The following CFAP57 variants were observed in gnomAD, a reference collection of about 807,000 sequenced individuals.
CFAP57 encodes the protein cilia and flagella associated protein 57.
In CFAP57, 116 loss-of-function variants were observed where a neutral mutation model predicts 146.8. The observed-to-expected ratio is 0.79, with a 90% CI of 0.68 to 0.92. The LOEUF (loss-of-function observed/expected upper bound fraction) is 0.92. Among genes scored for constraint, CFAP57 ranks in the 40% least tolerant of loss-of-function variants. The pLI is 0.00. For synonymous variants in CFAP57, 518 were observed against 552.8 expected, an observed-to-expected ratio of 0.94 and a Z score of 0.88; for missense variants, 1,377 against 1,527.2, an observed-to-expected ratio of 0.90 and a Z score of 1.64.
rs1643149806 is a variant in CFAP57, at chr1:43,186,744, C to G, written c.1007C>G (p.Ser336Cys). ...CCGCAGAGCAATGATCCAAGTCAGT[C>G]TGACAAACAGGACGTTCTCTGCCTG... Reference protein sequence around the residue: ...VDPQSNDPSQSDKQDVLCLCF... With the variant: ...VDPQSNDPSQCDKQDVLCLCF... Residue 336 changes from serine (S) to cysteine (C), a missense_variant, in exon 6 of 23, where the codon TCT becomes TGT. Physicochemically the swap from Ser to Cys is moderately radical, Grantham distance 112. Transcript: ENST00000372492. 2 of 1,613,958 alleles carry G rather than the reference C, an allele frequency of 1.2e-6. No individual in the cohort carries two copies. The highest frequency in any genetic ancestry group is 2.2e-5 in the South Asian group (2 of 91,078).
intron 22 of CFAP57, among the ~76,000 whole-genome samples, chr1:43,252,620 C>A (rs1016203984): frequency 6.6e-6 from 1 of 151,712 alleles, no homozygotes; most frequent in Admixed American, 6.6e-5. Context: ...TGAAAATCAA[C>A]AACAACAAAA....
At chr1:43,244,490 T>C (rs1472250386) in intron 22 of CFAP57, among the ~76,000 whole-genome samples, 1 of 152,252 alleles carries the variant, frequency 6.6e-6, no homozygotes, top group Admixed American at 6.5e-5. Flanking sequence ...TATAATTTTG[T>C]TGTCTTGTGC....
At chr1:43,226,933 T>G (rs1645265765) in intron 17 of CFAP57, 50 bp from the exon 18 acceptor site, 7 of 1,444,522 alleles carry the variant, frequency 4.8e-6, no homozygotes, top group Non-Finnish European at 6.4e-6. Flanking sequence ...AGGGCTGCAG[T>G]ATACCAGGGC....
At chr1:43,234,451 C>T (rs769393820) in intron 20 of CFAP57, 38 bp downstream of exon 20, 30 of 1,542,450 alleles carry the variant, frequency 1.9e-5, no homozygotes, top group Admixed American at 2.0e-5. Flanking sequence ...CACTGACCTC[C>T]GGGGTCTCCT....
intron 22 of CFAP57, among the ~76,000 whole-genome samples, chr1:43,249,855 T>C (rs1646274103): frequency 6.6e-6 from 1 of 152,064 alleles, no homozygotes; most frequent in African/African-American, 2.4e-5. Flanking sequence ...CCTAACAACA[T>C]TAAATTAGTC....
chr1:43,218,899 A>G (rs1052951254), intron 12 of CFAP57, among the ~76,000 whole-genome samples: 1 of 152,260 alleles, frequency 6.6e-6, no homozygotes, highest in Non-Finnish European at 1.5e-5. Context: ...TACTTGGGAT[A>G]TATCAGCAAA....
At chr1:43,203,368 A>G (rs1054867630) in intron 9 of CFAP57, among the ~76,000 whole-genome samples, 2 of 152,168 alleles carry the variant, frequency 1.3e-5, no homozygotes, top group African/African-American at 2.4e-5. Context: ...GTTATGTTCT[A>G]TGAGGCCAAA....
At chr1:43,248,607 A>G (rs1011777158) in intron 22 of CFAP57, among the ~76,000 whole-genome samples, 1 of 151,984 alleles carries the variant, frequency 6.6e-6, no homozygotes, top group Non-Finnish European at 1.5e-5. Flanking sequence ...GACATGAGCC[A>G]CAGTACCCGG....
rs759903609 is a variant in CFAP57, at chr1:43,185,231, A to G, written c.844A>G (p.Met282Val). 128 of 1,614,070 alleles carry G rather than the reference A, an allele frequency of 7.9e-5. No homozygotes were observed. Among genetic ancestry groups the G allele is most frequent in the Non-Finnish European group, 1.0e-4 (123 of 1,180,048 alleles). ...GGCCAGTAGCCATAGCCAGATGTCC[A>G]TGCCCCAGGTGTTTGCCATTGCAGC... ...VAASSHSQMS[M>V]PQVFAIAAYS... The change falls in exon 5 of 23, where the codon ATG becomes GTG. Residue 282 changes from methionine (M) to valine (V), a missense_variant. Met to Val is a conservative substitution (Grantham distance 21). Coordinates refer to ENST00000372492, the MANE Select transcript of CFAP57 (RefSeq NM_001378189.1).
At chr1:43,236,590 TAAAAA>T (rs764205138) in intron 21 of CFAP57, among the ~76,000 whole-genome samples, 2 of 41,800 alleles carry the variant, frequency 4.8e-5, no homozygotes, top group African/African-American at 2.4e-4. Context: ...GAATAAGTGC[TAAAAA>T]AAAAAAAAAA....
chr1:43,221,265 T>G, intron 13 of CFAP57, 107 bp from the exon 14 acceptor site: 11 of 713,536 alleles, frequency 1.5e-5, no homozygotes, highest in Non-Finnish European at 2.4e-5. Context: ...AATGAGGGCT[T>G]GAGAAATGTT....
rs201647687 is a variant in CFAP57 at position 43,197,708 on chromosome 1, C to T, written c.1262+16C>T. 17 of 1,614,030 alleles carry T rather than the reference C, an allele frequency of 1.1e-5. No homozygotes were observed. The East Asian group carries it at 3.8e-4, about 36-fold the overall frequency. On this transcript the variant is annotated intron_variant, in intron 7 of 22. Coordinates refer to ENST00000372492, the MANE Select transcript of CFAP57 (RefSeq NM_001378189.1). ...ATGAAACAAAGTAAGGAATGAAAGG[C>T]TTGCCTACTTTATTATGCAAGACCC...
intron 18 of CFAP57, among the ~76,000 whole-genome samples, chr1:43,228,013 C>A (rs985651656): frequency 6.6e-6 from 1 of 152,166 alleles, no homozygotes; most frequent in African/African-American, 2.4e-5. Flanking sequence ...GCTGCTATCA[C>A]CCTGGTACAA....
intron 14 of CFAP57, among the ~76,000 whole-genome samples, chr1:43,221,859 A>G (rs1238499252): frequency 6.6e-6 from 1 of 152,108 alleles, no homozygotes; most frequent in African/African-American, 2.4e-5. Context: ...TGAGTCCCCA[A>G]ATACCACTCT....
Position 43,198,506 on chromosome 1 carries a change from C to G in CFAP57, c.1288C>G (p.Gln430Glu). 1 of 1,614,058 alleles carries G rather than the reference C, an allele frequency of 6.2e-7. No individual in the cohort carries two copies. The highest frequency in any genetic ancestry group is 8.5e-7 in the Non-Finnish European group (1 of 1,180,026). Residue 430 changes from glutamine to glutamate, a missense_variant, in exon 8 of 23, where the codon CAA becomes GAA. Gln to Glu is a conservative substitution (Grantham distance 29). Coordinates refer to ENST00000372492, the MANE Select transcript of CFAP57 (RefSeq NM_001378189.1). Reference protein sequence around the residue: ...TNTLELFKEYQEEAYSISLHP... With the variant: ...TNTLELFKEYEEEAYSISLHP... ...CACCCTGGAACTATTTAAGGAATAC[C>G]AAGAAGAGGCATATTCCATCAGCCT...
At chr1:43,222,390 T>G in intron 15 of CFAP57, 95 bp downstream of exon 15, 1 of 1,143,378 alleles carries the variant, frequency 8.7e-7, no homozygotes, top group Non-Finnish European at 1.2e-6. Flanking sequence ...TGCCAGGATG[T>G]GTTATACACT....
chr1:43,244,203 T>G (rs868701492), intron 22 of CFAP57, among the ~76,000 whole-genome samples: 17 of 152,304 alleles, frequency 1.1e-4, no homozygotes, highest in African/African-American at 3.8e-4. Context: ...TATGGCAAAT[T>G]AAGCCAACAT....
At chr1:43,188,995 C>T (rs933464557) in intron 6 of CFAP57, among the ~76,000 whole-genome samples, 7 of 152,208 alleles carry the variant, frequency 4.6e-5, no homozygotes, top group Non-Finnish European at 1.0e-4. Flanking sequence ...GTCACAGCAT[C>T]ATTTGTTGAA....
chr1:43,224,287 C>T (rs1389719016), intron 17 of CFAP57, 83 bp downstream of exon 17: 4 of 1,412,928 alleles, frequency 2.8e-6, no homozygotes, highest in Non-Finnish European at 3.7e-6. Flanking sequence ...GAGAGGGTCC[C>T]TAGCTTCTCA....
Sources: gnomAD v4.1 joint callset for allele counts (sites outside exome capture counted in the v4.1 genomes callset) on GRCh38, gnomAD v4.1.1 for gene constraint, MANE v1.5 for transcripts, NCBI Gene and HGNC (gene_info 2026-07-23, HGNC 2026-07-21) for gene names.